The following CDH10 variants were observed in gnomAD, a reference collection of about 807,000 sequenced individuals.
The protein encoded by CDH10 is cadherin 10, also known as cadherin-10.
A neutral mutation model predicts 73.1 loss-of-function variants in CDH10; 30 were observed. The ratio of observed to expected loss-of-function variants is 0.41; its 90% CI spans 0.31 to 0.56. The LOEUF (loss-of-function observed/expected upper bound fraction) is 0.56. CDH10 is among the 20% of genes least tolerant of loss of function. CDH10 has a pLI of 0.27. For synonymous variants in CDH10, 345 were observed against 348.2 expected (o/e 0.99, Z 0.10); for missense variants, 815 against 973.7 (o/e 0.84, Z 2.17).
At chr5:24,497,405 G>A (rs2111676891) in intron 9 of CDH10, among the ~76,000 whole-genome samples, 1 of 151,980 alleles carries the variant, frequency 6.6e-6, no homozygotes, top group Non-Finnish European at 1.5e-5. Flanking sequence ...TAAGTAGTAA[G>A]TGGGAAGCAA....
At chr5:24,564,008 T>C (rs1745070809) in intron 2 of CDH10, among the ~76,000 whole-genome samples, 1 of 152,192 alleles carries the variant, frequency 6.6e-6, no homozygotes, top group African/African-American at 2.4e-5. Context: ...TACTTGCTTT[T>C]CGGCCCAAGA....
chr5:24,641,789 G>T (rs1049403579), intron 1 of CDH10, among the ~76,000 whole-genome samples: 2 of 151,972 alleles, frequency 1.3e-5, no homozygotes, highest in African/African-American at 4.8e-5. Flanking sequence ...TTCCAGACAT[G>T]ACTGTTAAAT....
intron 2 of CDH10, among the ~76,000 whole-genome samples, chr5:24,563,664 GGAGGCTGAGGCA>G (rs1745049070): frequency 6.9e-6 from 1 of 145,232 alleles, no homozygotes; most frequent in African/African-American, 2.7e-5. Context: ...CAGCTACTCC[GGAGGCTGAGGCA>G]GGAGAAAGGC....
intron 2 of CDH10, among the ~76,000 whole-genome samples, chr5:24,554,718 T>C (rs985543782): frequency 1.3e-5 from 2 of 152,140 alleles, no homozygotes; most frequent in Non-Finnish European, 2.9e-5. Flanking sequence ...AGAGAAAGAC[T>C]ATTCTGAGAA....
At chr5:24,606,127 A>G (rs147652633) in intron 1 of CDH10, among the ~76,000 whole-genome samples, 3 of 152,318 alleles carry the variant, frequency 2.0e-5, no homozygotes, top group Admixed American at 2.0e-4. Flanking sequence ...TGTTGACTAC[A>G]GTGGTAGTTA....
chr5:24,567,353 A>G (rs911327833), intron 2 of CDH10, among the ~76,000 whole-genome samples: 6 of 149,084 alleles, frequency 4.0e-5, no homozygotes, highest in Admixed American at 1.3e-4. Context: ...ACACATTTGG[A>G]AAAAAAAAAG....
chr5:24,520,916 G>T (rs1318551551), intron 5 of CDH10, among the ~76,000 whole-genome samples: 1 of 151,598 alleles, frequency 6.6e-6, no homozygotes, highest in Non-Finnish European at 1.5e-5. Flanking sequence ...ATTTTTAGTA[G>T]AAATGGGGTT....
At chr5:24,544,294 GCAA>G (rs1458314784) in intron 2 of CDH10, among the ~76,000 whole-genome samples, 1 of 151,922 alleles carries the variant, frequency 6.6e-6, no homozygotes, top group Non-Finnish European at 1.5e-5. Flanking sequence ...CTCTGTCTCA[GCAA>G]CAACAACAAA....
At chr5:24,563,635 C>T (rs1221515677) in intron 2 of CDH10, among the ~76,000 whole-genome samples, 2 of 144,572 alleles carry the variant, frequency 1.4e-5, no homozygotes, top group African/African-American at 2.5e-5. Context: ...GCGTGGTGGC[C>T]GGCAGGCGCC....
chr5:24,567,868 T>C (rs1745219581), intron 2 of CDH10, among the ~76,000 whole-genome samples: 1 of 152,132 alleles, frequency 6.6e-6, no homozygotes, highest in Non-Finnish European at 1.5e-5. Flanking sequence ...TATCCCTTCT[T>C]CCTATAACTA....
intron 8 of CDH10, among the ~76,000 whole-genome samples, chr5:24,500,232 T>G (rs1742441128): frequency 6.6e-6 from 1 of 152,196 alleles, no homozygotes; most frequent in Non-Finnish European, 1.5e-5. Context: ...TGAATGTTAC[T>G]CCAATATTAA....
chr5:24,501,359 C>T (rs1014885872), intron 8 of CDH10, among the ~76,000 whole-genome samples: 1 of 152,090 alleles, frequency 6.6e-6, no homozygotes, highest in African/African-American at 2.4e-5. Context: ...CTTTGTAAAG[C>T]ATCGAGCCTG....
intron 2 of CDH10, among the ~76,000 whole-genome samples, chr5:24,566,837 A>T (rs1745181940): frequency 6.6e-6 from 1 of 152,158 alleles, no homozygotes; most frequent in Admixed American, 6.5e-5. Flanking sequence ...CTATAAAAAA[A>T]TAATAAAATG....
chr5:24,535,085 G>A (rs1186223361), intron 5 of CDH10, 27 bp downstream of exon 5: 1 of 1,516,624 alleles, frequency 6.6e-7, no homozygotes. Context: ...CTTTTGCCCG[G>A]CAGAATGACC....
At chr5:24,491,244 G>A (rs1172682917) in intron 11 of CDH10, among the ~76,000 whole-genome samples, 1 of 152,066 alleles carries the variant, frequency 6.6e-6, no homozygotes, top group Non-Finnish European at 1.5e-5. Context: ...TCCTACACAT[G>A]CCATTCTGCA....
At position 24,491,666 on chromosome 5, in the gene CDH10, G is replaced by T; in HGVS notation, c.1786C>A (p.Gln596Lys). 6.2e-7 allele frequency: 1 copy of T among 1,613,884 alleles called. No homozygotes were observed. The highest frequency in any genetic ancestry group is 8.5e-7 in the Non-Finnish European group (1 of 1,179,786). ...AGCAGGGCTTCAGCACTGCAGGATT[G>T]CATGTTGCCTTGGCTGTCACAAGCA... ...VCACDSQGNM[Q>K]SCSAEALLLP... The change falls in exon 11 of 12, where the codon CAA (glutamine) becomes AAA (lysine). Residue 596 changes from glutamine (Q) to lysine (K), a missense_variant. Transcript: ENST00000264463.
chr5:24,619,117 T>C, intron 1 of CDH10, among the ~76,000 whole-genome samples: 1 of 152,160 alleles, frequency 6.6e-6, no homozygotes, highest in East Asian at 1.9e-4. Flanking sequence ...CATGTTTGAT[T>C]CCACAGATGC....
At chr5:24,635,534 G>A (rs1747839548) in intron 1 of CDH10, among the ~76,000 whole-genome samples, 1 of 149,876 alleles carries the variant, frequency 6.7e-6, no homozygotes, top group Non-Finnish European at 1.5e-5. Flanking sequence ...TAAGTTTTCA[G>A]GTTACATTCA....
chr5:24,604,342 G>A (rs763710066), intron 1 of CDH10, among the ~76,000 whole-genome samples: 10 of 151,916 alleles, frequency 6.6e-5, no homozygotes, highest in Admixed American at 2.0e-4. Context: ...GCAAAATTCT[G>A]TCTCTAAAAA....
Sources: allele counts gnomAD v4.1 joint callset (sites outside exome capture counted in the v4.1 genomes callset), GRCh38; gene constraint gnomAD v4.1.1; transcripts MANE v1.5; gene names NCBI Gene and HGNC (gene_info 2026-07-23, HGNC 2026-07-21).